MRTFB: variants seen among roughly 807,000 people sequenced by gnomAD.
MRTFB encodes myocardin related transcription factor B.
MRTFB carries 29 observed loss-of-function variants against 104.2 expected under a neutral mutation model. The observed-to-expected ratio is 0.28, with a 90% CI of 0.21 to 0.38. The LOEUF (loss-of-function observed/expected upper bound fraction) is 0.38. Among genes scored for constraint, MRTFB ranks in the 10% least tolerant of loss-of-function variants. The pLI is 1.00. For synonymous variants in MRTFB, 535 were observed against 519.5 expected, an observed-to-expected ratio of 1.03 and a Z score of -0.41; for missense variants, 1,270 against 1,341.6, an observed-to-expected ratio of 0.95 and a Z score of 0.83.
chr16:14,082,563 T>A (rs1435360255), intron 2 of MRTFB, among the ~76,000 whole-genome samples: 1 of 152,104 alleles, frequency 6.6e-6, no homozygotes, highest in Admixed American at 6.5e-5. Flanking sequence ...GGGAGGATAG[T>A]TTGAAAACCA....
rs1417840985 is a variant in MRTFB at position 14,234,293 on chromosome 16, T to G, written c.831+10T>G. ...CCCAGCACTGGTGAAGGTGGGTACT[T>G]TGGATACACCCTGGGTTTGGTGGCT... On this transcript the variant is annotated intron_variant, in intron 9 of 16. Transcript: ENST00000571589. 1 of 1,613,372 alleles carries G rather than the reference T, an allele frequency of 6.2e-7. No homozygotes were observed. Among genetic ancestry groups the G allele is most frequent in the African/African-American group, 1.3e-5 (1 of 74,862 alleles).
intron 10 of MRTFB, among the ~76,000 whole-genome samples, chr16:14,243,574 G>C (rs946157350): frequency 1.3e-5 from 2 of 152,180 alleles, no homozygotes; most frequent in African/African-American, 4.8e-5. Context: ...GTTAGGTGGG[G>C]ATCTCGTTTT....
chr16:14,261,123 C>G lies in MRTFB; in HGVS notation c.2979C>G (p.Ala993=), dbSNP rs2043761115. Reference sequence around the variant, plus strand: ...TCTTGGATGGAACTTTACCCTCAGCCAATGAAATTCCTCCACTACAAAGCA... The same window carrying G: ...TCTTGGATGGAACTTTACCCTCAGCGAATGAAATTCCTCCACTACAAAGCA... ...EAFLDGTLPS[A]NEIPPLQSSS... is the part of the protein sequence containing the mutation. The change falls in exon 17 of 17, where the codon GCC becomes GCG. Residue 993 remains alanine, a synonymous_variant. Coordinates refer to ENST00000571589, the MANE Select transcript of MRTFB (RefSeq NM_001308142.2). The G allele has an allele frequency of 1.2e-6, 2 of 1,614,206 alleles. No individual in the cohort carries two copies. The highest frequency in any genetic ancestry group is 1.7e-6 in the Non-Finnish European group (2 of 1,180,046).
intron 2 of MRTFB, among the ~76,000 whole-genome samples, chr16:14,100,365 G>A (rs1198886093): frequency 1.3e-5 from 2 of 152,164 alleles, no homozygotes; most frequent in African/African-American, 2.4e-5. Context: ...TAATCATATG[G>A]TTGTTATTTT....
At chr16:14,059,814 A>C in the MRTFB span, among the ~76,000 whole-genome samples, 1 of 152,012 alleles carries the variant, frequency 6.6e-6, no homozygotes, top group Non-Finnish European at 1.5e-5. Flanking sequence ...AGGGGAAGAC[A>C]AGAGCTAAAG....
chr16:14,036,296 TTATATATA>T, the MRTFB span, among the ~76,000 whole-genome samples: 5 of 98,316 alleles, frequency 5.1e-5, no homozygotes, highest in East Asian at 3.2e-4. Flanking sequence ...TTATATATAT[TTATATATA>T]TATATATATA....
intron 3 of MRTFB, chr16:14,200,731 C>A (rs1215556712): frequency 1.3e-6 from 2 of 1,516,754 alleles, no homozygotes; most frequent in Non-Finnish European, 1.8e-6. Flanking sequence ...AATCAGGAAT[C>A]TTTTGGTTGG....
At chr16:14,245,740 TTAAG>T in intron 11 of MRTFB, 80 bp downstream of exon 11, 1 of 1,469,752 alleles carries the variant, frequency 6.8e-7, no homozygotes, top group Non-Finnish European at 9.2e-7. Flanking sequence ...CTAGCAGACA[TTAAG>T]TAGTTTTCAG....
Position 14,260,960 on chromosome 16 carries a change from C to T in MRTFB, c.2816C>T (p.Pro939Leu), listed in dbSNP as rs762266610. The T allele has an allele frequency of 1.9e-6, 3 of 1,613,958 alleles. No individual in the cohort carries two copies. Among genetic ancestry groups the T allele is most frequent in the South Asian group, 1.1e-5 (1 of 91,006 alleles). Residue 939 changes from proline (P) to leucine (L), a missense_variant, in exon 17 of 17, where the codon CCA becomes CTA. Around this residue, in one of 3 missense-constraint regions of MRTFB, gnomAD observed 1,144 missense variants for 1,131.5 expected, o/e 1.01. Transcript: ENST00000571589. ...EEPSPISKMR[P>L]VTASITTMPV... ...CCTTCTCCTATTTCCAAAATGAGAC[C>T]AGTGACAGCCAGCATCACCACAATG...
At chr16:14,041,493 C>T in the MRTFB span, among the ~76,000 whole-genome samples, 7 of 152,150 alleles carry the variant, frequency 4.6e-5, no homozygotes, top group Admixed American at 4.6e-4. Flanking sequence ...CGTGTTGTAG[C>T]ATCTCGTTTT....
At chr16:14,220,492 T>A (rs1303766377) in intron 8 of MRTFB, among the ~76,000 whole-genome samples, 5 of 152,258 alleles carry the variant, frequency 3.3e-5, no homozygotes, top group Admixed American at 3.3e-4. Flanking sequence ...GGTACTACTG[T>A]GTTTTATTTC....
chr16:14,076,138 GT>G (rs1041291398), intron 1 of MRTFB, among the ~76,000 whole-genome samples: 1 of 150,978 alleles, frequency 6.6e-6, no homozygotes, highest in African/African-American at 2.4e-5. Flanking sequence ...TTTTTTTAAA[GT>G]TAATATTATC....
At chr16:14,126,373 C>T (rs2142353334) in intron 2 of MRTFB, among the ~76,000 whole-genome samples, 1 of 152,242 alleles carries the variant, frequency 6.6e-6, no homozygotes, top group East Asian at 1.9e-4. Flanking sequence ...GCTAGGAAAA[C>T]TTTAAAACCC....
At chr16:14,153,010 C>T (rs2038690827) in intron 3 of MRTFB, 1 of 151,862 alleles carries the variant, frequency 6.6e-6, no homozygotes, top group African/African-American at 2.4e-5. Flanking sequence ...CCAAGCTTCA[C>T]AAAATTAGTA....
At chr16:14,088,211 C>A (rs9921648) in intron 2 of MRTFB, among the ~76,000 whole-genome samples, 35,225 of 151,986 alleles carry the variant, frequency 0.23, 7,658 homozygotes, top group African/African-American at 0.57. Context: ...GAGAGCAGTG[C>A]GGAATTTTAT....
the MRTFB span, among the ~76,000 whole-genome samples, chr16:14,058,721 T>G: frequency 3.7e-4 from 52 of 138,754 alleles, no homozygotes; most frequent in African/African-American, 1.2e-3. Flanking sequence ...TGTTTTTTTT[T>G]TTTTTTTTTT....
At chr16:14,028,206 C>A in the MRTFB span, among the ~76,000 whole-genome samples, 11 of 151,314 alleles carry the variant, frequency 7.3e-5, 1 homozygote, top group East Asian at 5.8e-4. Context: ...AAACACAACA[C>A]AACAAAACAA....
the MRTFB span, among the ~76,000 whole-genome samples, chr16:14,001,054 T>C: frequency 0.22 from 34,115 of 152,260 alleles, 4,307 homozygotes; most frequent in African/African-American, 0.31. Context: ...GGTGTATGGG[T>C]ATAGCGACTA....
At chr16:14,133,799 A>G (rs2037565342) in intron 2 of MRTFB, among the ~76,000 whole-genome samples, 5 of 152,226 alleles carry the variant, frequency 3.3e-5, no homozygotes, top group Admixed American at 3.3e-4. Flanking sequence ...CCAAATATGG[A>G]AATCATCCTT....
Sources: allele counts gnomAD v4.1 joint callset (sites outside exome capture counted in the v4.1 genomes callset), GRCh38; gene constraint gnomAD v4.1.1; regional missense constraint gnomAD v4.1.1; transcripts MANE v1.5; gene names NCBI Gene and HGNC (gene_info 2026-07-23, HGNC 2026-07-21).